TOPORS: variants seen among roughly 807,000 people sequenced by gnomAD.
TOPORS encodes the protein TOP1 binding arginine/serine rich protein, E3 ubiquitin ligase, also known as E3 ubiquitin-protein ligase Topors.
TOPORS carries 25 observed loss-of-function variants against 81.4 expected under a neutral mutation model. That is an observed-to-expected ratio of 0.31 (90% CI 0.22 to 0.43). The LOEUF is 0.43. Ranked by LOEUF, TOPORS falls within the 20% of genes least tolerant of loss-of-function variation. TOPORS has a pLI of 1.00. For synonymous variants in TOPORS, 473 were observed against 456.6 expected (o/e 1.04, Z -0.46); for missense variants, 1,101 against 1,267.0 (o/e 0.87, Z 1.99).
chr9:32,551,217 C>G (rs1821250284), intron 1 of TOPORS: 2 of 598,834 alleles, frequency 3.3e-6, no homozygotes. Flanking sequence ...CCACTGGGGA[C>G]ACTGACTGAA....
chr9:32,547,922 C>T (rs1821161364), intron 2 of TOPORS, among the ~76,000 whole-genome samples: 1 of 151,788 alleles, frequency 6.6e-6, no homozygotes, highest in South Asian at 2.1e-4. Context: ...AGCTCCGCCT[C>T]CCGGGTTCAC....
chr9:32,550,030 T>A lies in TOPORS; in HGVS notation c.198+744A>T, dbSNP rs192165459. 4.8e-3 allele frequency among the ~76,000 whole-genome samples: 736 copies of A among 152,354 alleles called. 3 individuals carry two copies. The highest frequency in any genetic ancestry group is 8.8e-3 in the Non-Finnish European group (599 of 68,024). Reference sequence around the variant, plus strand: ...ATTTTAGCTGATTGTATAGCTTTCTTTGCATTTCATGGACAAAACCCAGAA... The same window carrying A: ...ATTTTAGCTGATTGTATAGCTTTCTATGCATTTCATGGACAAAACCCAGAA... On this transcript the variant is annotated intron_variant, in intron 2 of 2. Coordinates refer to ENST00000360538, the MANE Select transcript of TOPORS (RefSeq NM_005802.5).
Position 32,541,116 on chromosome 9 carries a change from T to G in TOPORS, c.*271A>C, listed in dbSNP as rs1229446732. The G allele has an allele frequency of 1.8e-5, 5 of 283,992 alleles. No homozygotes were observed. The highest frequency in any genetic ancestry group is 3.3e-5 in the Non-Finnish European group (5 of 149,370). 17.6% of individuals were successfully genotyped at this position (283,992 alleles called of 1,614,324 possible). A position where few individuals can be genotyped will look rare whatever the true frequency, so the allele number is the denominator to read the frequency against. On this transcript the variant is annotated 3_prime_UTR_variant, in exon 3 of 3. Coordinates refer to ENST00000360538, the MANE Select transcript of TOPORS (RefSeq NM_005802.5). ...GAAATAACTTCTAAAATTTATATAA[T>G]TTTTCTTATTTAAAAAGGACCCCAA...
chr9:32,542,477 C>T lies in TOPORS; in HGVS notation c.2048G>A (p.Arg683Gln), dbSNP rs149570596. Reference protein sequence around the residue: ...RSSDHGKRRSRSRNRDRYYLR... With the variant: ...RSSDHGKRRSQSRNRDRYYLR... The stretch of plus-strand genomic sequence containing the variant: ...ATAATAACGATCTCTATTTCTGCTC[C>T]GTGATCTTCTTTTACCATGATCACT... Residue 683 changes from arginine (R) to glutamine (Q), a missense_variant, in exon 3 of 3, where the codon CGG becomes CAG. By Grantham distance (43) the Arg-to-Gln change is conservative (BLOSUM62 1). Transcript: ENST00000360538. 1.2e-5 allele frequency: 20 copies of T among 1,613,614 alleles called. No homozygotes were observed. The highest frequency in any genetic ancestry group is 8.9e-5 in the East Asian group (4 of 44,868).
chr9:32,542,418 C>T lies in TOPORS; in HGVS notation c.2107G>A (p.Glu703Lys), dbSNP rs1158916717. Reference protein sequence around the residue: ...RNNYGSRYKWEYTYYSRNKDR... With the variant: ...RNNYGSRYKWKYTYYSRNKDR... ...TTGTTTCTACTGTAATAAGTATACT[C>T]CCATTTGTATCTGCTTCCATAATTA... Residue 703 changes from glutamate to lysine, a missense_variant, in exon 3 of 3, where the codon GAG becomes AAG. Glu to Lys is a moderately conservative substitution (Grantham distance 56). Around this residue, in one of 9 missense-constraint regions of TOPORS, gnomAD observed 605 missense variants for 636.1 expected, o/e 0.95. Coordinates refer to ENST00000360538, the MANE Select transcript of TOPORS (RefSeq NM_005802.5). 6.2e-7 allele frequency: 1 copy of T among 1,613,782 alleles called. No homozygotes were observed. The highest frequency in any genetic ancestry group is 8.5e-7 in the Non-Finnish European group (1 of 1,180,006).
At position 32,552,005 on chromosome 9, in the gene TOPORS, G is replaced by C. The variant is rs546110509; in HGVS notation, c.3+429C>G. On this transcript the variant is annotated intron_variant, in intron 1 of 2. Coordinates refer to ENST00000360538, the MANE Select transcript of TOPORS (RefSeq NM_005802.5). ...TGCGGGGAGGCGTGGGGGAGGGAGC[G>C]GGGGAGAAAGCGTTAATTCTTCCAG... Among the ~76,000 whole-genome samples, 8 of 152,042 alleles carry C rather than the reference G, an allele frequency of 5.3e-5. 1 individual carries two copies. The highest frequency in any genetic ancestry group is 1.9e-4 in the African/African-American group (8 of 41,470).
At chr9:32,548,561 C>G (rs144949350) in intron 2 of TOPORS, among the ~76,000 whole-genome samples, 233 of 152,120 alleles carry the variant, frequency 1.5e-3, no homozygotes, top group African/African-American at 5.0e-3. Flanking sequence ...AAAAGAGTGG[C>G]TGATCTGCAA....
At chr9:32,549,388 G>A (rs917729974) in intron 2 of TOPORS, among the ~76,000 whole-genome samples, 2 of 152,210 alleles carry the variant, frequency 1.3e-5, no homozygotes, top group African/African-American at 4.8e-5. Context: ...GATTACATTT[G>A]CGGGAGTGAT....
intron 2 of TOPORS, among the ~76,000 whole-genome samples, chr9:32,548,451 G>A (rs928525941): frequency 6.6e-6 from 1 of 152,040 alleles, no homozygotes; most frequent in Admixed American, 6.5e-5. Context: ...TTGAACCCCC[G>A]GGAGGCGGAG....
intron 2 of TOPORS, among the ~76,000 whole-genome samples, chr9:32,549,597 T>A (rs1724072044): frequency 6.6e-6 from 1 of 152,222 alleles, no homozygotes; most frequent in Non-Finnish European, 1.5e-5. Context: ...ATGTTCTCTA[T>A]GTTACGTGAA....
In TOPORS at chr9:32,543,303, C is replaced by T. The variant is rs779750604; in HGVS notation, c.1222G>A (p.Val408Ile). The change falls in exon 3 of 3, where the codon GTA (valine) becomes ATA (isoleucine). Residue 408 changes from valine to isoleucine, a missense_variant. Around this residue, in one of 9 missense-constraint regions of TOPORS, gnomAD observed 103 missense variants for 112.1 expected, o/e 0.92. Coordinates refer to ENST00000360538, the MANE Select transcript of TOPORS (RefSeq NM_005802.5). The surrounding 1 kb of genome is among the most constrained non-coding windows in gnomAD (Gnocchi z 5.6). ...CATGGTGCCTGACTAACAGTGGCTA[C>T]ATTAATATCCAGCTCTTGGGTCTCA... is the stretch of plus-strand genomic sequence containing the variant. The part of the protein sequence containing the change: ...EAETQELDIN[V>I]ATVSQAPWDD... 5.0e-6 allele frequency: 8 copies of T among 1,613,932 alleles called. No individual in the cohort carries two copies. The highest frequency in any genetic ancestry group is 2.7e-5 in the African/African-American group (2 of 74,910).
At chr9:32,551,465 C>T (rs1379081418) in intron 1 of TOPORS, 2 of 274,622 alleles carry the variant, frequency 7.3e-6, no homozygotes, top group Non-Finnish European at 1.5e-5. Context: ...GGGATCCCCT[C>T]CAGGCTGGGG....
intron 2 of TOPORS, 71 bp from the exon 3 acceptor site, chr9:32,544,397 C>A: frequency 6.8e-7 from 1 of 1,479,840 alleles, no homozygotes; most frequent in South Asian, 1.2e-5. Flanking sequence ...AACAAAAATG[C>A]AAATAAAGAC....
intron 1 of TOPORS, 147 bp from the exon 2 acceptor site, chr9:32,551,115 C>A: frequency 9.7e-7 from 1 of 1,027,830 alleles, no homozygotes; most frequent in Admixed American, 2.0e-5. Flanking sequence ...GGGCGGGGCT[C>A]AGCGCACCGG....
At chr9:32,548,350 C>A (rs796533290) in intron 2 of TOPORS, among the ~76,000 whole-genome samples, 1 of 151,082 alleles carries the variant, frequency 6.6e-6, no homozygotes, top group African/African-American at 2.4e-5. Flanking sequence ...ATGGAGAAAC[C>A]CGGTCTCTAC....
Position 32,543,010 on chromosome 9 carries a change from A to G in TOPORS, c.1515T>C (p.Gly505=). The change falls in exon 3 of 3, where the codon GGT becomes GGC. Residue 505 remains glycine (G), a synonymous_variant. Coordinates refer to ENST00000360538, the MANE Select transcript of TOPORS (RefSeq NM_005802.5). This position sits in a 1 kb window ranked among gnomAD's most constrained non-coding sequence, Gnocchi z 5.6. ...VELSSDSEDL[G]SYEKMETVKT... Reference sequence around the variant, plus strand: ...TCACTGTCTCCATTTTCTCATAAGAACCTAAGTCCTCAGAATCAGAGGACA... The same window carrying G: ...TCACTGTCTCCATTTTCTCATAAGAGCCTAAGTCCTCAGAATCAGAGGACA... 1.9e-6 allele frequency: 3 copies of G among 1,614,194 alleles called. No individual in the cohort carries two copies. Among genetic ancestry groups the G allele is most frequent in the Non-Finnish European group, 2.5e-6 (3 of 1,180,040 alleles).
At chr9:32,551,425 C>G in intron 1 of TOPORS, 3 of 319,802 alleles carry the variant, frequency 9.4e-6, no homozygotes, top group Non-Finnish European at 1.8e-5. Context: ...AAACCAGAGC[C>G]CAACCAGTAT....
chr9:32,544,528 A>C (rs1226271641), intron 2 of TOPORS, among the ~76,000 whole-genome samples: 2 of 152,182 alleles, frequency 1.3e-5, no homozygotes, highest in South Asian at 2.1e-4. Context: ...CAGATTTCCT[A>C]AGACTGAATC....
chr9:32,550,314 C>G lies in TOPORS; in HGVS notation c.198+460G>C, dbSNP rs116929706. ...AGACAAGTCCCAACTCCCAAAGCCA[C>G]GGTGATAGTCGTTTACTTTGGTTCA... On this transcript the variant is annotated intron_variant, in intron 2 of 2. Transcript: ENST00000360538. Among the ~76,000 whole-genome samples the G allele has an allele frequency of 2.0e-4, 30 of 152,266 alleles. No individual in the cohort carries two copies. In the East Asian group the frequency reaches 5.2e-3, roughly 26 times the overall value.
Sources: allele counts gnomAD v4.1 joint callset (sites outside exome capture counted in the v4.1 genomes callset), GRCh38; gene constraint gnomAD v4.1.1; regional missense constraint gnomAD v4.1.1; non-coding constraint Gnocchi (gnomAD v3.1); transcripts MANE v1.5; gene names NCBI Gene and HGNC (gene_info 2026-07-23, HGNC 2026-07-21).